Variants in SEC22A observed in about 807,000 individuals in gnomAD.
SEC22A encodes vesicle-trafficking protein SEC22a.
Under a neutral mutation model 35.3 loss-of-function variants are expected in SEC22A, and 22 were observed. That is an observed-to-expected ratio of 0.62 (90% CI 0.45 to 0.89). The LOEUF is 0.89. SEC22A is among the 40% of genes least tolerant of loss of function. The probability of loss-of-function intolerance (pLI) is 0.00; values close to 1 mark genes in which losing one functional copy is unlikely to be tolerated. For synonymous variants in SEC22A, 119 were observed against 129.5 expected (o/e 0.92, Z 0.55); for missense variants, 354 against 362.5 (o/e 0.98, Z 0.19).
At chr3:123,214,782 A>G (rs1936995153) in intron 2 of SEC22A, among the ~76,000 whole-genome samples, 1 of 152,240 alleles carries the variant, frequency 6.6e-6, no homozygotes, top group South Asian at 2.1e-4. Flanking sequence ...GATGCTGAAA[A>G]GACAAATACC....
At chr3:123,257,995 G>GGAAAAAAAAAAAAAA (rs1937777606) in intron 5 of SEC22A, among the ~76,000 whole-genome samples, 1 of 111,484 alleles carries the variant, frequency 9.0e-6, no homozygotes, top group South Asian at 3.3e-4. Context: ...CCATCTCATT[G>GGAAAAAAAAAAAAAA]AAAAAAAAAA....
At chr3:123,258,535 C>T (rs1432117313) in intron 5 of SEC22A, among the ~76,000 whole-genome samples, 4 of 152,154 alleles carry the variant, frequency 2.6e-5, no homozygotes, top group South Asian at 4.1e-4. Flanking sequence ...CTGGCCTGAG[C>T]ATCCCAGGCA....
intron 6 of SEC22A, among the ~76,000 whole-genome samples, chr3:123,269,237 G>C (rs1018623366): frequency 2.0e-4 from 25 of 128,088 alleles, no homozygotes; most frequent in Non-Finnish European, 3.7e-4. Flanking sequence ...GGAAATGCTA[G>C]CTCATTTTTA....
chr3:123,216,756 A>G (rs962350479), intron 2 of SEC22A, among the ~76,000 whole-genome samples: 4 of 152,144 alleles, frequency 2.6e-5, no homozygotes, highest in Admixed American at 1.3e-4. Context: ...CTTGTTTTCT[A>G]TGAGACATAT....
chr3:123,254,708 G>T (rs901110245), intron 5 of SEC22A, among the ~76,000 whole-genome samples: 3 of 151,832 alleles, frequency 2.0e-5, no homozygotes, highest in African/African-American at 7.3e-5. Flanking sequence ...TTGTTGTCTT[G>T]CTCCTTTACC....
intron 3 of SEC22A, 67 bp from the exon 4 acceptor site, chr3:123,225,036 A>C: frequency 1.9e-6 from 2 of 1,037,210 alleles, no homozygotes; most frequent in Non-Finnish European, 1.4e-6. Context: ...ACTATCCATA[A>C]ACATCATATT....
chr3:123,206,473 G>C (rs369458636), intron 1 of SEC22A, among the ~76,000 whole-genome samples: 1 of 152,140 alleles, frequency 6.6e-6, no homozygotes, highest in African/African-American at 2.4e-5. Flanking sequence ...TGTACTTCTG[G>C]AAAGACAACA....
chr3:123,236,260 C>T (rs187661364), intron 4 of SEC22A, among the ~76,000 whole-genome samples: 3 of 152,236 alleles, frequency 2.0e-5, no homozygotes, highest in East Asian at 1.9e-4. Context: ...AGACTTCCAG[C>T]TCTAGTAGTG....
chr3:123,214,149 C>T (rs1344598142), intron 2 of SEC22A, among the ~76,000 whole-genome samples: 6 of 152,150 alleles, frequency 3.9e-5, no homozygotes, highest in Non-Finnish European at 5.9e-5. Flanking sequence ...GAGCTGAGAT[C>T]GTGCCACTGC....
Position 123,223,709 on chromosome 3 carries a change from T to C in SEC22A, c.333T>C (p.Cys111=), listed in dbSNP as rs1302460723. 6.2e-7 allele frequency: 1 copy of C among 1,611,698 alleles called. No homozygotes were observed. The part of the protein sequence containing the change: ...MKTNTAVRPY[C]FIEFDNFIQR... ...CAAATACTGCTGTCAGACCATACTGTTTCATTGAATTTGGTAAGGGCCTGA... is the reference window on the plus strand; with the variant it reads ...CAAATACTGCTGTCAGACCATACTGCTTCATTGAATTTGGTAAGGGCCTGA... The change falls in exon 3 of 7, where the codon TGT becomes TGC. Residue 111 remains cysteine (C), a synonymous_variant. Coordinates refer to ENST00000492595, the MANE Select transcript of SEC22A (RefSeq NM_012430.5).
chr3:123,214,778 G>A (rs923224408), intron 2 of SEC22A, among the ~76,000 whole-genome samples: 1 of 152,196 alleles, frequency 6.6e-6, no homozygotes, highest in African/African-American at 2.4e-5. Flanking sequence ...GTAAGATGCT[G>A]AAAAGACAAA....
At chr3:123,239,892 G>A (rs2108069773) in intron 4 of SEC22A, among the ~76,000 whole-genome samples, 1 of 152,206 alleles carries the variant, frequency 6.6e-6, no homozygotes, top group East Asian at 1.9e-4. Flanking sequence ...CTTTTATTGT[G>A]GTTTTGGTGG....
intron 4 of SEC22A, among the ~76,000 whole-genome samples, chr3:123,237,702 C>T (rs1937446120): frequency 6.6e-6 from 1 of 152,102 alleles, no homozygotes; most frequent in African/African-American, 2.4e-5. Flanking sequence ...GGGTGGGGGT[C>T]CAACTTGACT....
chr3:123,209,878 G>T (rs1936910092), intron 2 of SEC22A, among the ~76,000 whole-genome samples: 1 of 152,156 alleles, frequency 6.6e-6, no homozygotes, highest in Non-Finnish European at 1.5e-5. Context: ...TTTGAGCAGA[G>T]ACCTAAAAGA....
chr3:123,215,953 G>T (rs193206399), intron 2 of SEC22A, among the ~76,000 whole-genome samples: 2 of 152,300 alleles, frequency 1.3e-5, no homozygotes, highest in African/African-American at 4.8e-5. Flanking sequence ...TAGGTGTTTG[G>T]CAGGGAGAGG....
intron 2 of SEC22A, among the ~76,000 whole-genome samples, chr3:123,218,462 G>C (rs1576486345): frequency 6.6e-6 from 1 of 152,232 alleles, no homozygotes; most frequent in East Asian, 1.9e-4. Flanking sequence ...GTGTGTGTTT[G>C]TATGTGTGTC....
At chr3:123,261,773 G>A (rs867341267) in intron 6 of SEC22A, among the ~76,000 whole-genome samples, 4 of 152,264 alleles carry the variant, frequency 2.6e-5, no homozygotes, top group South Asian at 2.1e-4. Flanking sequence ...CCTCACTGAG[G>A]TATAGACAGT....
rs1270650511 is a variant in SEC22A, at chr3:123,223,608, T to C, written c.232T>C (p.Tyr78His). The C allele has an allele frequency of 6.2e-7, 1 of 1,613,758 alleles. No homozygotes were observed. Among genetic ancestry groups the C allele is most frequent in the Admixed American group, 1.7e-5 (1 of 60,022 alleles). Reference sequence around the variant, plus strand: ...CTACATGATGTTGTGCACTGAAAATTACCCAAATGTTCTCGCCTTCTCTTT... The same window carrying C: ...CTACATGATGTTGTGCACTGAAAATCACCCAAATGTTCTCGCCTTCTCTTT... ...VSYMMLCTENYPNVLAFSFLD... is the reference protein window; with the variant it reads ...VSYMMLCTENHPNVLAFSFLD... The change falls in exon 3 of 7, where the codon TAC becomes CAC. Residue 78 changes from tyrosine (Y) to histidine (H), a missense_variant. Coordinates refer to ENST00000492595, the MANE Select transcript of SEC22A (RefSeq NM_012430.5).
intron 5 of SEC22A, among the ~76,000 whole-genome samples, chr3:123,253,446 G>A (rs1343509154): frequency 6.6e-6 from 1 of 151,930 alleles, no homozygotes; most frequent in Non-Finnish European, 1.5e-5. Flanking sequence ...AGGCACGGTG[G>A]CTCACGCTTG....
Sources: gnomAD v4.1 joint callset for allele counts (sites outside exome capture counted in the v4.1 genomes callset) on GRCh38, gnomAD v4.1.1 for gene constraint, MANE v1.5 for transcripts, NCBI Gene and HGNC (gene_info 2026-07-23, HGNC 2026-07-21) for gene names.